Variants in CELSR3 observed in about 807,000 individuals in gnomAD.
The protein encoded by CELSR3 is EGF-like protein 1.
CELSR3 carries 73 observed loss-of-function variants against 270.0 expected under a neutral mutation model. That is an observed-to-expected ratio of 0.27 (90% CI 0.22 to 0.33). CELSR3 has a LOEUF of 0.33. Among genes scored for constraint, CELSR3 ranks in the 10% least tolerant of loss-of-function variants. The pLI is 1.00. For synonymous variants in CELSR3, 1,780 were observed against 1,905.4 expected (o/e 0.93, Z 1.71); for missense variants, 3,614 against 4,533.8 (o/e 0.80, Z 5.83).
In CELSR3 at chr3:48,659,927, T is replaced by G; in HGVS notation, c.2708A>C (p.Gln903Pro). 1 of 1,614,232 alleles carries G rather than the reference T, an allele frequency of 6.2e-7. No homozygotes were observed. The highest frequency in any genetic ancestry group is 8.5e-7 in the Non-Finnish European group (1 of 1,180,034). ...ITYLLEDNLP[Q>P]FRIDADSGAI... ...TCCTGAGTCTGCATCAATGCGGAAC[T>G]GGGGCAGGTTGTCCTCCAGGAGATA... Residue 903 changes from glutamine (Q) to proline (P), a missense_variant, in exon 1 of 35, where the codon CAG becomes CCG. By Grantham distance (76) the Gln-to-Pro change is moderately conservative. Coordinates refer to ENST00000164024, the MANE Select transcript of CELSR3 (RefSeq NM_001407.3). This position sits in a 1 kb window ranked among gnomAD's most constrained non-coding sequence, Gnocchi z 8.1.
rs2047028094 is a variant in CELSR3, at chr3:48,641,707, G to A, written c.8824+144C>T. On this transcript the variant is annotated intron_variant, in intron 32 of 34. Coordinates refer to ENST00000164024, the MANE Select transcript of CELSR3 (RefSeq NM_001407.3). The surrounding 1 kb of genome is among the most constrained non-coding windows in gnomAD (Gnocchi z 4.8). Reference sequence around the variant, plus strand: ...AGCTCCCTCCCCTTAACTGGAGGTGGACAGAGACTAAAAGTTGGGGAACCT... The same window carrying A: ...AGCTCCCTCCCCTTAACTGGAGGTGAACAGAGACTAAAAGTTGGGGAACCT... 2 of 930,832 alleles carry A rather than the reference G, an allele frequency of 2.1e-6. No individual in the cohort carries two copies. Among genetic ancestry groups the A allele is most frequent in the Non-Finnish European group, 3.1e-6 (2 of 638,868 alleles). 57.7% of individuals were successfully genotyped at this position (930,832 alleles called of 1,614,324 possible).
rs368524856 is a variant in CELSR3, at chr3:48,642,499, G to A, written c.8556-32C>T. Reference sequence around the variant, plus strand: ...AAGCAGGAGCCCCCCCACCATGAAAGAGGGATGTGATGGGGTGCCTTGGAG... The same window carrying A: ...AAGCAGGAGCCCCCCCACCATGAAAAAGGGATGTGATGGGGTGCCTTGGAG... On this transcript the variant is annotated intron_variant, in intron 30 of 34. Transcript: ENST00000164024. This position sits in a 1 kb window ranked among gnomAD's most constrained non-coding sequence, Gnocchi z 6.1. 9 of 1,600,662 alleles carry A rather than the reference G, an allele frequency of 5.6e-6. No individual in the cohort carries two copies. In the African/African-American group the frequency reaches 6.7e-5, roughly 12 times the overall value.
At position 48,638,192 on chromosome 3, in the gene CELSR3, C is replaced by T. The variant is rs370155183; in HGVS notation, c.*13G>A. The stretch of plus-strand genomic sequence containing the variant: ...GTCGCCCTCAGCTGTTCCTCGTCCA[C>T]GCCGTCATCCCCTCAGGAGTGACCC... On this transcript the variant is annotated 3_prime_UTR_variant, in exon 35 of 35. Transcript: ENST00000164024. 11 of 1,611,374 alleles carry T rather than the reference C, an allele frequency of 6.8e-6. No homozygotes were observed. Among genetic ancestry groups the T allele is most frequent in the African/African-American group, 2.7e-5 (2 of 74,816 alleles).
In CELSR3 at chr3:48,662,712, TC is replaced by T; in HGVS notation, c.-79del. On this transcript the variant is annotated 5_prime_UTR_variant, in exon 1 of 35. Coordinates refer to ENST00000164024, the MANE Select transcript of CELSR3 (RefSeq NM_001407.3). The surrounding 1 kb of genome is among the most constrained non-coding windows in gnomAD (Gnocchi z 7.1). ...GGCTGGCCCCGCCGCTCGGGCCCCC[TC>T]CCGGGCCCCTGCCGCCGCCCCGGGC... 2.3e-6 allele frequency: 1 copy of T among 443,266 alleles called. No individual in the cohort carries two copies. The highest frequency in any genetic ancestry group is 3.0e-6 in the Non-Finnish European group (1 of 334,626). 27.5% of individuals were successfully genotyped at this position (443,266 alleles called of 1,614,324 possible). A position where few individuals can be genotyped will look rare whatever the true frequency, so the allele number is the denominator to read the frequency against.
chr3:48,650,439 A>T lies in CELSR3; in HGVS notation c.6472+41T>A, dbSNP rs1445883815. Reference sequence around the variant, plus strand: ...GCTCTAGCAGTCAGAGTACAGGCCCACCCCCACCCTCAGTGATGTCCTTTC... The same window carrying T: ...GCTCTAGCAGTCAGAGTACAGGCCCTCCCCCACCCTCAGTGATGTCCTTTC... On this transcript the variant is annotated intron_variant, in intron 16 of 34. Transcript: ENST00000164024. This position sits in a 1 kb window ranked among gnomAD's most constrained non-coding sequence, Gnocchi z 5.1. The T allele has an allele frequency of 5.6e-6, 3 of 539,854 alleles. No individual in the cohort carries two copies. Among genetic ancestry groups the T allele is most frequent in the Non-Finnish European group, 1.1e-5 (3 of 277,726 alleles). 33.4% of individuals were successfully genotyped at this position (539,854 alleles called of 1,614,324 possible). A position where few individuals can be genotyped will look rare whatever the true frequency, so the allele number is the denominator to read the frequency against.
At position 48,659,166 on chromosome 3, in the gene CELSR3, C is replaced by T. The variant is rs549604301; in HGVS notation, c.3469G>A (p.Val1157Ile). Residue 1157 changes from valine (V) to isoleucine (I), a missense_variant, in exon 1 of 35, where the codon GTC becomes ATC. Val to Ile is a conservative substitution (Grantham distance 29). Transcript: ENST00000164024. The surrounding 1 kb of genome is among the most constrained non-coding windows in gnomAD (Gnocchi z 8.1). ...APLVSRATVH[V>I]RLVDQNDNSP... is the part of the protein sequence containing the mutation. Reference sequence around the variant, plus strand: ...TTGTCATTCTGGTCAACCAGGCGGACGTGCACAGTGGCCCGGCTGACCAAA... The same window carrying T: ...TTGTCATTCTGGTCAACCAGGCGGATGTGCACAGTGGCCCGGCTGACCAAA... The T allele has an allele frequency of 1.2e-5, 20 of 1,614,058 alleles. No homozygotes were observed. The highest frequency in any genetic ancestry group is 6.7e-5 in the African/African-American group (5 of 74,912).
Position 48,639,984 on chromosome 3 carries a change from G to T in CELSR3, c.9601C>A (p.Arg3201=). ...CTAGGCACCTGGTCCAGCTGCTCCC[G>T]AGAGTTCGAGCTCCTAGACAGAGAG... is the stretch of plus-strand genomic sequence containing the variant. The part of the protein sequence containing the change: ...LDSLSRSSNS[R]EQLDQVPSRH... Residue 3201 remains arginine, a synonymous_variant, in exon 34 of 35, where the codon CGG becomes AGG. Coordinates refer to ENST00000164024, the MANE Select transcript of CELSR3 (RefSeq NM_001407.3). This position sits in a 1 kb window ranked among gnomAD's most constrained non-coding sequence, Gnocchi z 4.1. The T allele has an allele frequency of 1.2e-6, 2 of 1,612,630 alleles. No homozygotes were observed.
Position 48,639,679 on chromosome 3 carries a change from G to C in CELSR3, c.9906C>G (p.Asp3302Glu). 2 of 1,613,402 alleles carry C rather than the reference G, an allele frequency of 1.2e-6. No individual in the cohort carries two copies. Among genetic ancestry groups the C allele is most frequent in the Non-Finnish European group, 1.7e-6 (2 of 1,179,904 alleles). Reference protein sequence around the residue: ...TSHSISELSPDSEVPRSEGHS With the variant: ...TSHSISELSPESEVPRSEGHS ...GGTGGCTGGACCATACTTACTCTGA[G>C]TCTGGCGACAGCTCCGAGATGCTGT... is the stretch of plus-strand genomic sequence containing the variant. Residue 3302 changes from aspartate (D) to glutamate (E), a missense_variant, in exon 34 of 35, where the codon GAC becomes GAG. By Grantham distance (45) the Asp-to-Glu change is conservative. Transcript: ENST00000164024. The surrounding 1 kb of genome is among the most constrained non-coding windows in gnomAD (Gnocchi z 4.1).
rs2047143238 is a variant in CELSR3 at position 48,652,132 on chromosome 3, T to A, written c.5752-84A>T. The stretch of plus-strand genomic sequence containing the variant: ...CTGCAGAGCCAGCCACCCGGTCTGA[T>A]GATCCTTGACATGCAGTCTTCTGAT... On this transcript the variant is annotated intron_variant, in intron 11 of 34. Coordinates refer to ENST00000164024, the MANE Select transcript of CELSR3 (RefSeq NM_001407.3). The surrounding 1 kb of genome is among the most constrained non-coding windows in gnomAD (Gnocchi z 4.3). 2 of 1,340,604 alleles carry A rather than the reference T, an allele frequency of 1.5e-6. No individual in the cohort carries two copies. The highest frequency in any genetic ancestry group is 3.0e-5 in the Admixed American group (1 of 33,022). 83.0% of individuals were successfully genotyped at this position (1,340,604 alleles called of 1,614,324 possible).
In CELSR3 at chr3:48,650,403, G is replaced by A. The variant is rs529442625; in HGVS notation, c.6472+77C>T. 2 of 1,197,560 alleles carry A rather than the reference G, an allele frequency of 1.7e-6. No homozygotes were observed. The highest frequency in any genetic ancestry group is 1.5e-5 in the African/African-American group (1 of 65,880). The allele number at this position is 1,197,560 out of a possible 1,614,324, so 74.2% of individuals were successfully genotyped here. A position where few individuals can be genotyped will look rare whatever the true frequency, so the allele number is the denominator to read the frequency against. ...GCAGGAACAAAGCCACCCAATTTAG[G>A]AAAAGACATGGCTCTAGCAGTCAGA... On this transcript the variant is annotated intron_variant, in intron 16 of 34. Coordinates refer to ENST00000164024, the MANE Select transcript of CELSR3 (RefSeq NM_001407.3). The surrounding 1 kb of genome is among the most constrained non-coding windows in gnomAD (Gnocchi z 5.1).
Position 48,654,027 on chromosome 3 carries a change from G to A in CELSR3, c.5153-24C>T. The A allele has an allele frequency of 6.2e-7, 1 of 1,609,504 alleles. No homozygotes were observed. The highest frequency in any genetic ancestry group is 8.5e-7 in the Non-Finnish European group (1 of 1,177,312). ...GCCTGGGAGAGGAAAGCACATGGCG[G>A]ACATGAGAACAAGGGTTGGGGGGCA... On this transcript the variant is annotated intron_variant, in intron 7 of 34. Transcript: ENST00000164024. This position sits in a 1 kb window ranked among gnomAD's most constrained non-coding sequence, Gnocchi z 5.4.
rs1424739515 is a variant in CELSR3 at position 48,644,530 on chromosome 3, G to C, written c.8085+186C>G. ...GGCAGGGACAGGCAACTGAATCTCT[G>C]ACCCCGCGCCCCCATCTCCATGCCA... On this transcript the variant is annotated intron_variant, in intron 26 of 34. Coordinates refer to ENST00000164024, the MANE Select transcript of CELSR3 (RefSeq NM_001407.3). This position sits in a 1 kb window ranked among gnomAD's most constrained non-coding sequence, Gnocchi z 4.8. Among the ~76,000 whole-genome samples, 1 of 152,074 alleles carries C rather than the reference G, an allele frequency of 6.6e-6. No homozygotes were observed. Among genetic ancestry groups the C allele is most frequent in the East Asian group, 1.9e-4 (1 of 5,194 alleles).
At position 48,645,192 on chromosome 3, in the gene CELSR3, G is replaced by A. The variant is rs773037646; in HGVS notation, c.7815C>T (p.Val2605=). Reference sequence around the variant, plus strand: ...GGAAGAAGTAGTGCAGGAGGATGGCGACTGCAGTGCACACCAGCTGAGGGC... The same window carrying A: ...GGAAGAAGTAGTGCAGGAGGATGGCAACTGCAGTGCACACCAGCTGAGGGC... ...RTHNQLVCTA[V]AILLHYFFLS... is the part of the protein sequence containing the mutation. The change falls in exon 25 of 35, where the codon GTC becomes GTT. Residue 2605 remains valine, a synonymous_variant. Transcript: ENST00000164024. This position sits in a 1 kb window ranked among gnomAD's most constrained non-coding sequence, Gnocchi z 5.4. 20 of 1,579,662 alleles carry A rather than the reference G, an allele frequency of 1.3e-5. No individual in the cohort carries two copies. The highest frequency in any genetic ancestry group is 9.1e-5 in the East Asian group (4 of 44,178).
chr3:48,643,305 G>A (rs760709203), intron 28 of CELSR3: 35 of 631,388 alleles, frequency 5.5e-5, no homozygotes, highest in Non-Finnish European at 8.4e-5. Context: ...GCAAGGGGTC[G>A]GGAGCCTTGG....
chr3:48,643,137 T>C, intron 28 of CELSR3, 54 bp from the exon 29 acceptor site: 1 of 1,202,872 alleles, frequency 8.3e-7, no homozygotes, highest in Admixed American at 1.7e-5. Context: ...CAGGGACCAG[T>C]ATAAGTCACT....
rs997558433 is a variant in CELSR3, at chr3:48,639,619, C to T, written c.9911+55G>A. On this transcript the variant is annotated intron_variant, in intron 34 of 34. Coordinates refer to ENST00000164024, the MANE Select transcript of CELSR3 (RefSeq NM_001407.3). The surrounding 1 kb of genome is among the most constrained non-coding windows in gnomAD (Gnocchi z 4.1). ...GTGGCAGAACACAGGGCAGGGCACA[C>T]AGGAGGTTGCCCTAAGCTGATGAGG... The T allele has an allele frequency of 2.2e-5, 35 of 1,590,520 alleles. No homozygotes were observed. Among genetic ancestry groups the T allele is most frequent in the African/African-American group, 2.7e-5 (2 of 74,684 alleles).
rs753408412 is a variant in CELSR3, at chr3:48,656,684, G to C, written c.4399+14C>G. The C allele has an allele frequency of 2.9e-5, 42 of 1,468,954 alleles. No homozygotes were observed. The highest frequency in any genetic ancestry group is 8.1e-6 in the Non-Finnish European group (9 of 1,116,936). The allele number at this position is 1,468,954 out of a possible 1,614,324, so 91.0% of individuals were successfully genotyped here. A position where few individuals can be genotyped will look rare whatever the true frequency, so the allele number is the denominator to read the frequency against. On this transcript the variant is annotated intron_variant, in intron 2 of 34. Transcript: ENST00000164024. ...CCCGTGCTTCCCCCAGCTCTGGCCC[G>C]GCGCCCTGCTCACCGGTGAAGCGCG...
chr3:48,649,734 G>C (rs2047120253), intron 16 of CELSR3, among the ~76,000 whole-genome samples: 1 of 152,112 alleles, frequency 6.6e-6, no homozygotes, highest in Non-Finnish European at 1.5e-5. Flanking sequence ...TTGGGATGGA[G>C]GTTGAATGAG....
At position 48,655,726 on chromosome 3, in the gene CELSR3, G is replaced by T; in HGVS notation, c.4741+10C>A. ...ACGCACCCTTTCGCCGTCACATCCG[G>T]GGCACCCACCCGTGGAATATGTGAG... On this transcript the variant is annotated intron_variant, in intron 4 of 34. Coordinates refer to ENST00000164024, the MANE Select transcript of CELSR3 (RefSeq NM_001407.3). The surrounding 1 kb of genome is among the most constrained non-coding windows in gnomAD (Gnocchi z 5.8). 6.2e-7 allele frequency: 1 copy of T among 1,610,588 alleles called. No individual in the cohort carries two copies. Among genetic ancestry groups the T allele is most frequent in the Non-Finnish European group, 8.5e-7 (1 of 1,177,188 alleles).
Sources: gnomAD v4.1 joint callset for allele counts (sites outside exome capture counted in the v4.1 genomes callset) on GRCh38, gnomAD v4.1.1 for gene constraint, Gnocchi (gnomAD v3.1) non-coding constraint, MANE v1.5 for transcripts, NCBI Gene and HGNC (gene_info 2026-07-23, HGNC 2026-07-21) for gene names.